The following LRRC9 variants were observed in gnomAD, a reference collection of about 807,000 sequenced individuals.
The protein encoded by LRRC9 is leucine-rich repeat-containing protein 9.
Under a neutral mutation model 63.2 loss-of-function variants are expected in LRRC9, and 122 were observed. The observed-to-expected ratio is 1.93, with a 90% CI of 1.67 to 2.24. The LOEUF (loss-of-function observed/expected upper bound fraction) is 2.24. Ranked by LOEUF, LRRC9 falls within the 30% of genes most tolerant of loss-of-function variation. The pLI is 0.00. For missense variants in LRRC9, 1,071 were observed against 627.7 expected, an observed-to-expected ratio of 1.71 and a Z score of -7.55; for synonymous variants, 366 against 213.1, an observed-to-expected ratio of 1.72 and a Z score of -6.25.
At chr14:59,928,364 G>A in exon 3 of LRRC9, 4 of 694,908 alleles carry the variant, frequency 5.8e-6, no homozygotes, top group Non-Finnish European at 7.9e-6. Flanking sequence ...TCGTATAGTT[G>A]GATTATCATT....
rs1594925662 is a variant in LRRC9, at chr14:59,978,231, A to G, written c.1878+99A>G. 4 of 604,052 alleles carry G rather than the reference A, an allele frequency of 6.6e-6. No individual in the cohort carries two copies. In the East Asian group the frequency reaches 1.1e-4, roughly 17 times the overall value. 37.4% of individuals were successfully genotyped at this position (604,052 alleles called of 1,614,324 possible). A position where few individuals can be genotyped will look rare whatever the true frequency, so the allele number is the denominator to read the frequency against. On this transcript the variant is annotated intron_variant, in intron 15 of 31. Transcript: ENST00000445360. The stretch of plus-strand genomic sequence containing the variant: ...AATAATGCTATGTCAAGTTTATATT[A>G]TGTGCATGTGTGTATAATTGTTATT...
intron 17 of LRRC9, among the ~76,000 whole-genome samples, chr14:59,996,507 T>A (rs1018137985): frequency 6.6e-6 from 1 of 152,104 alleles, no homozygotes; most frequent in Admixed American, 6.5e-5. Flanking sequence ...ACATAACAAA[T>A]TAAAGTCTTA....
chr14:59,944,110 G>A (rs1489923380), intron 7 of LRRC9, among the ~76,000 whole-genome samples: 4 of 151,764 alleles, frequency 2.6e-5, no homozygotes, highest in Non-Finnish European at 5.9e-5. Context: ...AATTTGCTCA[G>A]CCTAACATTC....
intron 18 of LRRC9, among the ~76,000 whole-genome samples, chr14:59,998,876 G>A (rs1889076049): frequency 6.6e-6 from 1 of 151,860 alleles, no homozygotes; most frequent in African/African-American, 2.4e-5. Context: ...ATAGCTTATG[G>A]GATTTCCCTT....
At chr14:60,035,914 A>T (rs866328362) in intron 29 of LRRC9, among the ~76,000 whole-genome samples, 1 of 151,892 alleles carries the variant, frequency 6.6e-6, no homozygotes, top group Non-Finnish European at 1.5e-5. Flanking sequence ...TGCTCTGGGT[A>T]GTATTGTCAT....
At chr14:59,978,061 T>C (rs983516032) in exon 15 of LRRC9, 32 of 702,186 alleles carry the variant, frequency 4.6e-5, no homozygotes, top group Non-Finnish European at 7.3e-5. Context: ...TGTTCGGCAG[T>C]GCAAGTGGTT....
Position 60,058,976 on chromosome 14 carries a change from T to C in LRRC9, c.4276+954T>C, listed in dbSNP as rs1894475952. ...CTTTTGTCTACAACTGTCAGTAAAA[T>C]TGGGCATACCAAATTGTTATTACCT... On this transcript the variant is annotated intron_variant, in intron 31 of 31. Transcript: ENST00000445360. This position sits in a 1 kb window ranked among gnomAD's most constrained non-coding sequence, Gnocchi z 4.4. The C allele has an allele frequency of 6.6e-6, 1 of 152,202 alleles. No individual in the cohort carries two copies. The highest frequency in any genetic ancestry group is 6.5e-5 in the Admixed American group (1 of 15,284). The allele number at this position is 152,202 out of a possible 1,614,324, so 9.4% of individuals were successfully genotyped here.
chr14:60,028,318 T>C lies in LRRC9; in HGVS notation c.3921+217T>C, dbSNP rs1022665583. The stretch of plus-strand genomic sequence containing the variant: ...GGACAAAGCAACATGCACAAGCTCA[T>C]TAACAAAGATTAGTTCTACGTGTTC... On this transcript the variant is annotated intron_variant, in intron 28 of 31. Transcript: ENST00000445360. 5.3e-5 allele frequency among the ~76,000 whole-genome samples: 8 copies of C among 152,216 alleles called. No individual in the cohort carries two copies. In the South Asian group the frequency reaches 1.2e-3, roughly 24 times the overall value.
intron 7 of LRRC9, among the ~76,000 whole-genome samples, chr14:59,944,356 CGCCTCACACTTTAT>C (rs1555370066): frequency 1.3e-5 from 2 of 151,744 alleles, no homozygotes; most frequent in Non-Finnish European, 2.9e-5. Flanking sequence ...AATGTGAATA[CGCCTCACACTTTAT>C]GCCTCACAAA....
chr14:59,956,550 C>A (rs150929759), intron 8 of LRRC9, among the ~76,000 whole-genome samples: 1 of 152,234 alleles, frequency 6.6e-6, no homozygotes, highest in African/African-American at 2.4e-5. Flanking sequence ...TGAGAGGGGT[C>A]TCCTGAATAC....
intron 1 of LRRC9, among the ~76,000 whole-genome samples, chr14:59,921,116 G>A (rs1480630064): frequency 5.9e-5 from 9 of 152,176 alleles, no homozygotes; most frequent in African/African-American, 9.7e-5. Flanking sequence ...GAAGTATGGA[G>A]TATGCCATAC....
chr14:60,027,829 C>T lies in LRRC9; in HGVS notation c.3704-55C>T. The T allele has an allele frequency of 1.7e-6, 1 of 590,468 alleles. No homozygotes were observed. Among genetic ancestry groups the T allele is most frequent in the Non-Finnish European group, 3.0e-6 (1 of 330,936 alleles). 36.6% of individuals were successfully genotyped at this position (590,468 alleles called of 1,614,324 possible). On this transcript the variant is annotated intron_variant, in intron 27 of 31. Transcript: ENST00000445360. This position sits in a 1 kb window ranked among gnomAD's most constrained non-coding sequence, Gnocchi z 4.0. ...AAATATTTAAATGTAAGTAGATATC[C>T]TTTACTTCAGGAAGTTTGGGCTCAC...
intron 6 of LRRC9, among the ~76,000 whole-genome samples, chr14:59,935,455 A>G (rs1221792242): frequency 6.6e-6 from 1 of 152,194 alleles, no homozygotes; most frequent in Non-Finnish European, 1.5e-5. Flanking sequence ...TCTAGAAAGC[A>G]TTTAGATAAT....
At chr14:60,020,760 A>C (rs1891058876) in intron 26 of LRRC9, among the ~76,000 whole-genome samples, 1 of 151,910 alleles carries the variant, frequency 6.6e-6, no homozygotes, top group Admixed American at 6.6e-5. Context: ...ACTCAGCATG[A>C]TGTTTTCAAG....
chr14:60,063,588 A>C, downstream of LRRC9: 1 of 440,244 alleles, frequency 2.3e-6, no homozygotes, highest in East Asian at 3.5e-5. Flanking sequence ...TATTTGTTTG[A>C]ATTTCTATAT....
intron 1 of LRRC9, among the ~76,000 whole-genome samples, chr14:59,924,050 A>G (rs1311054877): frequency 6.6e-6 from 1 of 152,250 alleles, no homozygotes; most frequent in African/African-American, 2.4e-5. Context: ...AGTGTATGTG[A>G]TCATTTAGAA....
intron 7 of LRRC9, among the ~76,000 whole-genome samples, chr14:59,941,249 G>GT (rs1340097048): frequency 6.6e-6 from 1 of 151,858 alleles, no homozygotes; most frequent in Non-Finnish European, 1.5e-5. Context: ...AAAATCAGTT[G>GT]TTTTTTGTGG....
chr14:60,037,154 C>G (rs181227187), intron 29 of LRRC9, among the ~76,000 whole-genome samples: 8 of 152,246 alleles, frequency 5.3e-5, no homozygotes, highest in African/African-American at 1.9e-4. Flanking sequence ...TTTTCTTAAT[C>G]CAGTCTATCA....
chr14:60,001,942 A>G (rs1555381001), intron 19 of LRRC9, 24 bp from the exon 20 acceptor site: 1 of 631,406 alleles, frequency 1.6e-6, no homozygotes, highest in East Asian at 2.8e-5. Flanking sequence ...TCCTTTTTTC[A>G]CTGTATTTTT....
Sources: allele counts gnomAD v4.1 joint callset (sites outside exome capture counted in the v4.1 genomes callset), GRCh38; gene constraint gnomAD v4.1.1; non-coding constraint Gnocchi (gnomAD v3.1); transcripts MANE v1.5; gene names NCBI Gene and HGNC (gene_info 2026-07-23, HGNC 2026-07-21).